Variants in NR3C2 observed in about 807,000 individuals in gnomAD.
NR3C2 encodes mineralocorticoid receptor.
In NR3C2, 15 loss-of-function variants were observed where a neutral mutation model predicts 86.4. The observed-to-expected ratio is 0.17, with a 90% CI of 0.12 to 0.27. The LOEUF (loss-of-function observed/expected upper bound fraction) is 0.27. Among genes scored for constraint, NR3C2 ranks in the 10% least tolerant of loss-of-function variants. The pLI is 1.00. For synonymous variants in NR3C2, 458 were observed against 450.5 expected, an observed-to-expected ratio of 1.02 and a Z score of -0.21; for missense variants, 960 against 1,195.6, an observed-to-expected ratio of 0.80 and a Z score of 2.91.
chr4:148,179,021 C>A (rs1350023428), intron 4 of NR3C2, among the ~76,000 whole-genome samples: 3 of 150,654 alleles, frequency 2.0e-5, no homozygotes, highest in African/African-American at 7.3e-5. Context: ...GAGTGATATT[C>A]CAGCAGTTCA....
chr4:148,426,468 T>G (rs1313050374), intron 2 of NR3C2, among the ~76,000 whole-genome samples: 1 of 152,228 alleles, frequency 6.6e-6, no homozygotes. Flanking sequence ...CTCTGGGCAT[T>G]AGTTTCAGTA....
chr4:148,332,352 G>A (rs1744271243), intron 2 of NR3C2, among the ~76,000 whole-genome samples: 1 of 152,206 alleles, frequency 6.6e-6, no homozygotes. Context: ...CAATCTTTTA[G>A]GAGGACATTT....
At position 148,436,699 on chromosome 4, in the gene NR3C2, A is replaced by C. The variant is rs61760012; in HGVS notation, c.162T>G (p.Ala54=). 6.2e-7 allele frequency: 1 copy of C among 1,614,170 alleles called. No individual in the cohort carries two copies. Among genetic ancestry groups the C allele is most frequent in the Non-Finnish European group, 8.5e-7 (1 of 1,180,030 alleles). The change falls in exon 2 of 9, where the codon GCT becomes GCG. Residue 54 remains alanine, a synonymous_variant. Coordinates refer to ENST00000358102, the MANE Select transcript of NR3C2 (RefSeq NM_000901.5). Reference sequence around the variant, plus strand: ...TTCCTTGAGTACTGTTGTTTGGAATAGCACCGGAAACACAGCTTACGTTGA... The same window carrying C: ...TTCCTTGAGTACTGTTGTTTGGAATCGCACCGGAAACACAGCTTACGTTGA... The part of the protein sequence containing the change: ...EIVNVSCVSG[A]IPNNSTQGSS...
At chr4:148,100,136 CT>C (rs1405806156) in intron 8 of NR3C2, among the ~76,000 whole-genome samples, 1 of 152,174 alleles carries the variant, frequency 6.6e-6, no homozygotes, top group African/African-American at 2.4e-5. Context: ...AAGAAAAATA[CT>C]TTTTTCCCTT....
chr4:148,337,916 G>C (rs913480169), intron 2 of NR3C2, among the ~76,000 whole-genome samples: 7 of 152,140 alleles, frequency 4.6e-5, no homozygotes, highest in Non-Finnish European at 7.4e-5. Context: ...ATAGATGTTG[G>C]TTAAGTGCTC....
rs1579298042 is a variant in NR3C2, at chr4:148,436,660, T to C, written c.201A>G (p.Lys67=). The change falls in exon 2 of 9, where the codon AAA becomes AAG. Residue 67 remains lysine, a synonymous_variant. Transcript: ENST00000358102. ...GCTGAAGGCAAGGGAGTAGTTCTTG[T>C]TTTTCTTTGCTGCTTCCTTGAGTAC... ...NNSTQGSSKE[K]QELLPCLQQD... The C allele has an allele frequency of 6.2e-7, 1 of 1,614,174 alleles. No homozygotes were observed. Among genetic ancestry groups the C allele is most frequent in the South Asian group, 1.1e-5 (1 of 91,084 alleles).
chr4:148,212,860 C>T (rs1019638911), intron 3 of NR3C2, among the ~76,000 whole-genome samples: 10 of 152,098 alleles, frequency 6.6e-5, no homozygotes, highest in Admixed American at 6.5e-4. Context: ...TGATAGGCAT[C>T]GTGTTTATTG....
At chr4:148,193,169 A>G (rs1042537645) in intron 4 of NR3C2, among the ~76,000 whole-genome samples, 4 of 152,030 alleles carry the variant, frequency 2.6e-5, no homozygotes. Flanking sequence ...TGCTTCTTCT[A>G]CCCTTGTATT....
intron 3 of NR3C2, among the ~76,000 whole-genome samples, chr4:148,227,086 T>C (rs566739772): frequency 1.3e-5 from 2 of 152,326 alleles, no homozygotes; most frequent in Admixed American, 1.3e-4. Flanking sequence ...TTCAATACTC[T>C]TAACAAATCC....
At chr4:148,266,384 T>C (rs1740399451) in intron 2 of NR3C2, among the ~76,000 whole-genome samples, 1 of 152,186 alleles carries the variant, frequency 6.6e-6, no homozygotes, top group African/African-American at 2.4e-5. Flanking sequence ...AAGGCCTCTT[T>C]CTCTGGTGAT....
At chr4:148,422,047 T>C (rs1306746437) in intron 2 of NR3C2, among the ~76,000 whole-genome samples, 1 of 152,156 alleles carries the variant, frequency 6.6e-6, no homozygotes, top group East Asian at 1.9e-4. Flanking sequence ...GTTTTCACAA[T>C]GAAAGGTTGC....
intron 6 of NR3C2, among the ~76,000 whole-genome samples, chr4:148,151,058 G>A (rs563916215): frequency 3.6e-4 from 55 of 152,294 alleles, no homozygotes; most frequent in African/African-American, 1.3e-3. Flanking sequence ...ATGATGAAAA[G>A]TATTGGATGT....
chr4:148,079,808 C>G lies in NR3C2; in HGVS notation c.*1536G>C, dbSNP rs1483210309. The G allele has an allele frequency of 6.6e-6, 1 of 152,326 alleles. No individual in the cohort carries two copies. Among genetic ancestry groups the G allele is most frequent in the Admixed American group, 6.6e-5 (1 of 15,256 alleles). The allele number at this position is 152,326 out of a possible 1,614,324, so 9.4% of individuals were successfully genotyped here. ...TAAAAATCTAAAACCCCTCTATCTCCCGGTCTCCATGCCATTCAGACTGAA... is the reference window on the plus strand; with the variant it reads ...TAAAAATCTAAAACCCCTCTATCTCGCGGTCTCCATGCCATTCAGACTGAA... On this transcript the variant is annotated 3_prime_UTR_variant, in exon 9 of 9. Coordinates refer to ENST00000358102, the MANE Select transcript of NR3C2 (RefSeq NM_000901.5).
intron 2 of NR3C2, among the ~76,000 whole-genome samples, chr4:148,350,596 T>G (rs557635014): frequency 6.6e-6 from 1 of 152,270 alleles, no homozygotes; most frequent in East Asian, 1.9e-4. Flanking sequence ...TCTCCTCAAA[T>G]CCATTTTTAC....
chr4:148,230,843 C>T (rs1447137068), intron 3 of NR3C2, among the ~76,000 whole-genome samples: 1 of 152,172 alleles, frequency 6.6e-6, no homozygotes, highest in Admixed American at 6.5e-5. Context: ...ATCCAACAGA[C>T]CATGTGATTT....
chr4:148,317,564 G>T (rs1743262980), intron 2 of NR3C2, among the ~76,000 whole-genome samples: 1 of 151,946 alleles, frequency 6.6e-6, no homozygotes. Flanking sequence ...ACTGGTTATG[G>T]TTATAAAGAA....
At chr4:148,285,964 A>G (rs1741500028) in intron 2 of NR3C2, among the ~76,000 whole-genome samples, 1 of 152,252 alleles carries the variant, frequency 6.6e-6, no homozygotes, top group South Asian at 2.1e-4. Flanking sequence ...GTTTTATTCA[A>G]AGAATGATTT....
At chr4:148,255,373 C>T (rs901757879) in intron 3 of NR3C2, among the ~76,000 whole-genome samples, 2 of 152,170 alleles carry the variant, frequency 1.3e-5, no homozygotes, top group Admixed American at 6.5e-5. Flanking sequence ...ATGAGGTACT[C>T]GTTCACAGGC....
intron 3 of NR3C2, among the ~76,000 whole-genome samples, chr4:148,224,748 T>C (rs922349680): frequency 9.2e-5 from 14 of 152,216 alleles, no homozygotes; most frequent in Non-Finnish European, 1.6e-4. Flanking sequence ...AATGTCTTCA[T>C]TTTTTAAATG....
Sources: gnomAD v4.1 joint callset for allele counts (sites outside exome capture counted in the v4.1 genomes callset) on GRCh38, gnomAD v4.1.1 for gene constraint, MANE v1.5 for transcripts, NCBI Gene and HGNC (gene_info 2026-07-23, HGNC 2026-07-21) for gene names.